ARL15: variants seen among roughly 807,000 people sequenced by gnomAD.
The protein encoded by ARL15 is ARF like GTPase 15.
A neutral mutation model predicts 25.2 loss-of-function variants in ARL15; 19 were observed. The ratio of observed to expected loss-of-function variants is 0.75; its 90% CI spans 0.53 to 1.10. The LOEUF (loss-of-function observed/expected upper bound fraction) is 1.10, where lower values mean the gene tolerates loss of function less well. Ranked by LOEUF, ARL15 falls within the 50% of genes least tolerant of loss-of-function variation. The probability of loss-of-function intolerance (pLI) is 0.00; values close to 1 mark genes in which losing one functional copy is unlikely to be tolerated. For missense variants in ARL15, 220 were observed against 246.0 expected (o/e 0.89, Z 0.71); for synonymous variants, 94 against 86.8 (o/e 1.08, Z -0.46).
intron 3 of ARL15, among the ~76,000 whole-genome samples, chr5:54,137,816 T>C (rs1753650591): frequency 1.3e-5 from 2 of 152,078 alleles, no homozygotes; most frequent in African/African-American, 2.4e-5. Flanking sequence ...TTGTATATTA[T>C]AGTTGGGCAT....
chr5:54,220,111 T>A (rs1186121609), intron 1 of ARL15, among the ~76,000 whole-genome samples: 1 of 152,250 alleles, frequency 6.6e-6, no homozygotes, highest in Non-Finnish European at 1.5e-5. Context: ...TGTAACTCTT[T>A]CAACTGTAGG....
intron 1 of ARL15, among the ~76,000 whole-genome samples, chr5:54,175,563 G>A (rs1561253529): frequency 1.3e-5 from 2 of 151,810 alleles, no homozygotes; most frequent in Admixed American, 6.6e-5. Flanking sequence ...TTGAACTCTC[G>A]ACTTCAGGTG....
intron 1 of ARL15, among the ~76,000 whole-genome samples, chr5:54,202,283 T>C (rs1285099193): frequency 3.3e-5 from 5 of 152,196 alleles, no homozygotes; most frequent in African/African-American, 1.2e-4. Flanking sequence ...TTACGTTACA[T>C]GGCCAGGGGG....
chr5:54,012,526 C>CTT (rs1311444885), intron 4 of ARL15, among the ~76,000 whole-genome samples: 4 of 140,878 alleles, frequency 2.8e-5, no homozygotes, highest in Non-Finnish European at 3.1e-5. Flanking sequence ...TATTTCTTTT[C>CTT]TTTTTTTTTT....
chr5:54,217,276 T>C (rs997471937), intron 1 of ARL15, among the ~76,000 whole-genome samples: 3 of 151,748 alleles, frequency 2.0e-5, no homozygotes, highest in African/African-American at 7.3e-5. Flanking sequence ...TCCCTAAAAA[T>C]ATCTTAAAAT....
intron 4 of ARL15, among the ~76,000 whole-genome samples, chr5:54,035,211 A>G (rs1465305114): frequency 6.6e-6 from 1 of 152,184 alleles, no homozygotes; most frequent in Non-Finnish European, 1.5e-5. Flanking sequence ...GCTTTATGAA[A>G]TCAGCTCACA....
intron 4 of ARL15, among the ~76,000 whole-genome samples, chr5:54,030,234 A>T (rs1749933828): frequency 6.6e-6 from 1 of 152,152 alleles, no homozygotes; most frequent in Non-Finnish European, 1.5e-5. Context: ...CTATACGACA[A>T]GCAAAGCCAA....
chr5:54,200,079 G>A (rs988131719), intron 1 of ARL15, among the ~76,000 whole-genome samples: 3 of 148,290 alleles, frequency 2.0e-5, no homozygotes, highest in Non-Finnish European at 3.0e-5. Context: ...TCACTCATAG[G>A]TGGGAATTGA....
intron 4 of ARL15, among the ~76,000 whole-genome samples, chr5:53,955,015 C>A (rs1738707122): frequency 6.6e-6 from 1 of 151,616 alleles, no homozygotes; most frequent in Non-Finnish European, 1.5e-5. Flanking sequence ...TGCACATCTC[C>A]TGCTTTAGAT....
chr5:54,247,676 C>G (rs929955434), intron 1 of ARL15, among the ~76,000 whole-genome samples: 1 of 151,386 alleles, frequency 6.6e-6, no homozygotes, highest in African/African-American at 2.4e-5. Context: ...GCTAAAAATT[C>G]CCCTTCAAAA....
intron 1 of ARL15, among the ~76,000 whole-genome samples, chr5:54,288,748 C>T (rs1413937163): frequency 2.0e-5 from 3 of 152,226 alleles, no homozygotes. Context: ...CACTCACCTA[C>T]TACAAATAAC....
chr5:54,036,564 T>C (rs918003428), intron 4 of ARL15, among the ~76,000 whole-genome samples: 1 of 152,054 alleles, frequency 6.6e-6, no homozygotes, highest in Non-Finnish European at 1.5e-5. Flanking sequence ...CCATACTTTG[T>C]TCCTGTGAAC....
At chr5:53,973,000 C>T (rs1268371227) in intron 4 of ARL15, among the ~76,000 whole-genome samples, 3 of 152,090 alleles carry the variant, frequency 2.0e-5, no homozygotes, top group Non-Finnish European at 1.5e-5. Context: ...TCTATCATAT[C>T]CAGCTTGTTT....
chr5:53,947,255 A>G (rs766762934), intron 4 of ARL15, among the ~76,000 whole-genome samples: 1 of 150,618 alleles, frequency 6.6e-6, no homozygotes, highest in African/African-American at 2.5e-5. Context: ...TTAAAGGCAG[A>G]AAATTCCCAG....
intron 1 of ARL15, among the ~76,000 whole-genome samples, chr5:54,206,841 C>T (rs1455838343): frequency 6.6e-6 from 1 of 152,192 alleles, no homozygotes; most frequent in East Asian, 1.9e-4. Context: ...CTTCAAATGA[C>T]TTCTAATAAT....
chr5:54,175,927 C>T (rs1429574502), intron 1 of ARL15, among the ~76,000 whole-genome samples: 1 of 152,156 alleles, frequency 6.6e-6, no homozygotes, highest in South Asian at 2.1e-4. Context: ...GCTGAGATTA[C>T]ACACGTGAGC....
chr5:54,008,614 C>T (rs906812629), intron 4 of ARL15, among the ~76,000 whole-genome samples: 1 of 152,178 alleles, frequency 6.6e-6, no homozygotes, highest in African/African-American at 2.4e-5. Context: ...CAGGGAACGT[C>T]CCTTTAGCTA....
intron 1 of ARL15, among the ~76,000 whole-genome samples, chr5:54,197,459 T>A (rs954305149): frequency 2.6e-5 from 4 of 152,244 alleles, no homozygotes; most frequent in African/African-American, 9.6e-5. Context: ...CCTGCCTACA[T>A]TTCTTACAAG....
At chr5:54,294,222 T>A (rs1329239978) in intron 1 of ARL15, among the ~76,000 whole-genome samples, 1 of 152,232 alleles carries the variant, frequency 6.6e-6, no homozygotes, top group Non-Finnish European at 1.5e-5. Flanking sequence ...CAAATTCCAA[T>A]CTGTGGGAAA....
Sources: allele counts gnomAD v4.1 joint callset (sites outside exome capture counted in the v4.1 genomes callset), GRCh38; gene constraint gnomAD v4.1.1; transcripts MANE v1.5; gene names NCBI Gene and HGNC (gene_info 2026-07-23, HGNC 2026-07-21).